The following ERC2 variants were observed in gnomAD, a reference collection of about 807,000 sequenced individuals.
ERC2 encodes the protein ELKS/RAB6-interacting/CAST family member 2.
ERC2 carries 42 observed loss-of-function variants against 114.8 expected under a neutral mutation model. That is an observed-to-expected ratio of 0.37 (90% CI 0.29 to 0.47). The LOEUF (loss-of-function observed/expected upper bound fraction) is 0.47. ERC2 is among the 20% of genes least tolerant of loss of function. The probability of loss-of-function intolerance (pLI) is 0.99; values close to 1 mark genes in which losing one functional copy is unlikely to be tolerated. For missense variants in ERC2, 939 were observed against 1,150.7 expected (o/e 0.82, Z 2.66); for synonymous variants, 454 against 425.5 (o/e 1.07, Z -0.82).
intron 2 of ERC2, among the ~76,000 whole-genome samples, chr3:56,373,717 C>T (rs1576643785): frequency 6.6e-6 from 1 of 152,140 alleles, no homozygotes; most frequent in East Asian, 1.9e-4. Flanking sequence ...ACAAAAGCAG[C>T]CAGAGACAAT....
chr3:56,139,731 A>G, intron 5 of ERC2, 55 bp from the exon 6 acceptor site: 1 of 1,502,142 alleles, frequency 6.7e-7, no homozygotes, highest in Non-Finnish European at 9.0e-7. Context: ...CCTACACTTT[A>G]CATTGGACAA....
intron 3 of ERC2, among the ~76,000 whole-genome samples, chr3:56,222,719 G>T (rs1220983723): frequency 6.6e-6 from 1 of 152,154 alleles, no homozygotes; most frequent in African/African-American, 2.4e-5. Context: ...AACAAATATT[G>T]AATAGATGAA....
intron 2 of ERC2, among the ~76,000 whole-genome samples, chr3:56,417,902 G>A (rs958007377): frequency 6.6e-6 from 1 of 152,150 alleles, no homozygotes; most frequent in Non-Finnish European, 1.5e-5. Context: ...CTACAATGAG[G>A]GTAGGAAACA....
At chr3:55,739,761 T>C (rs1483066760) in intron 14 of ERC2, among the ~76,000 whole-genome samples, 1 of 152,228 alleles carries the variant, frequency 6.6e-6, no homozygotes, top group Non-Finnish European at 1.5e-5. Flanking sequence ...TTTAGTTTAA[T>C]TAGATCCCAT....
At chr3:56,131,638 A>G (rs1406536467) in intron 6 of ERC2, among the ~76,000 whole-genome samples, 1 of 152,222 alleles carries the variant, frequency 6.6e-6, no homozygotes, top group East Asian at 1.9e-4. Flanking sequence ...AGGGGTGAAA[A>G]AAACCTGAAA....
chr3:56,458,605 C>T (rs1376613133), intron 1 of ERC2, among the ~76,000 whole-genome samples: 1 of 152,184 alleles, frequency 6.6e-6, no homozygotes, highest in African/African-American at 2.4e-5. Flanking sequence ...TTTGTATCCA[C>T]CCAGCATCAA....
At chr3:55,999,392 G>A (rs192750362) in intron 10 of ERC2, among the ~76,000 whole-genome samples, 2 of 152,164 alleles carry the variant, frequency 1.3e-5, no homozygotes, top group Non-Finnish European at 2.9e-5. Flanking sequence ...GGTTCCTTTC[G>A]ACCCTAGAAA....
intron 14 of ERC2, among the ~76,000 whole-genome samples, chr3:55,828,684 G>A (rs2060437575): frequency 6.6e-6 from 1 of 151,934 alleles, no homozygotes; most frequent in Non-Finnish European, 1.5e-5. Context: ...GTGTACAATA[G>A]ATCTAAAGAC....
chr3:56,388,444 A>T (rs2060012804), intron 2 of ERC2, among the ~76,000 whole-genome samples: 1 of 152,128 alleles, frequency 6.6e-6, no homozygotes, highest in African/African-American at 2.4e-5. Context: ...CCCTCACCAG[A>T]AGCAGATGCC....
At chr3:55,532,088 T>C (rs1225486355) in intron 17 of ERC2, among the ~76,000 whole-genome samples, 1 of 152,240 alleles carries the variant, frequency 6.6e-6, no homozygotes, top group Admixed American at 6.5e-5. Context: ...ACCCTTTTCA[T>C]AGGATTTCTG....
intron 2 of ERC2, among the ~76,000 whole-genome samples, chr3:56,405,534 A>G (rs1295833733): frequency 3.9e-5 from 6 of 152,208 alleles, no homozygotes; most frequent in Non-Finnish European, 5.9e-5. Flanking sequence ...GGTTGACTGA[A>G]AGGAAAGGAA....
chr3:56,256,901 CTG>C (rs2052555052), intron 3 of ERC2, among the ~76,000 whole-genome samples: 3 of 152,316 alleles, frequency 2.0e-5, no homozygotes, highest in African/African-American at 4.8e-5. Context: ...CCATGCAGAA[CTG>C]TGAGTCAATT....
At chr3:55,815,148 A>G (rs990349764) in intron 14 of ERC2, among the ~76,000 whole-genome samples, 7 of 152,188 alleles carry the variant, frequency 4.6e-5, no homozygotes, top group African/African-American at 1.4e-4. Flanking sequence ...TTATTGAACA[A>G]TTACTTCAAT....
At chr3:55,900,263 T>C (rs1289782044) in intron 13 of ERC2, among the ~76,000 whole-genome samples, 1 of 152,194 alleles carries the variant, frequency 6.6e-6, no homozygotes, top group Non-Finnish European at 1.5e-5. Flanking sequence ...ATATGTTCAT[T>C]TTCTTTCTTA....
chr3:56,233,151 A>G (rs1441049900), intron 3 of ERC2, among the ~76,000 whole-genome samples: 2 of 152,222 alleles, frequency 1.3e-5, no homozygotes, highest in South Asian at 2.1e-4. Context: ...TAGATGCTCA[A>G]TCAATATTGC....
chr3:56,150,791 T>G (rs1460379146), intron 4 of ERC2, among the ~76,000 whole-genome samples: 1 of 152,184 alleles, frequency 6.6e-6, no homozygotes, highest in East Asian at 1.9e-4. Context: ...TGTTATGGAC[T>G]GAATGTTGAG....
At chr3:56,448,448 AG>A (rs1486615461) in intron 1 of ERC2, among the ~76,000 whole-genome samples, 1 of 152,200 alleles carries the variant, frequency 6.6e-6, no homozygotes, top group African/African-American at 2.4e-5. Flanking sequence ...TAGAATACTT[AG>A]ACTCCTCAGA....
intron 13 of ERC2, among the ~76,000 whole-genome samples, chr3:55,938,079 A>T (rs1388833534): frequency 5.3e-5 from 8 of 152,110 alleles, no homozygotes; most frequent in African/African-American, 1.9e-4. Flanking sequence ...AGTATGTCTT[A>T]TGATTAGGTC....
chr3:56,077,783 C>CA (rs889911097), intron 7 of ERC2, among the ~76,000 whole-genome samples: 1 of 151,996 alleles, frequency 6.6e-6, no homozygotes, highest in Admixed American at 6.6e-5. Context: ...TTCCTAAAGA[C>CA]AAAAAACACT....
Sources: gnomAD v4.1 joint callset for allele counts (sites outside exome capture counted in the v4.1 genomes callset) on GRCh38, gnomAD v4.1.1 for gene constraint, MANE v1.5 for transcripts, NCBI Gene and HGNC (gene_info 2026-07-23, HGNC 2026-07-21) for gene names.